The following ARFGEF3 variants were observed in gnomAD, a reference collection of about 807,000 sequenced individuals.
ARFGEF3 encodes brefeldin A-inhibited guanine nucleotide-exchange protein 3.
Under a neutral mutation model 221.7 loss-of-function variants are expected in ARFGEF3, and 96 were observed. The ratio of observed to expected loss-of-function variants is 0.43; its 90% CI spans 0.37 to 0.51. ARFGEF3 has a LOEUF of 0.51. Among genes scored for constraint, ARFGEF3 ranks in the 20% least tolerant of loss-of-function variants. ARFGEF3 has a pLI of 0.00. For synonymous variants in ARFGEF3, 1,145 were observed against 1,126.8 expected, an observed-to-expected ratio of 1.02 and a Z score of -0.32; for missense variants, 2,410 against 2,789.9, an observed-to-expected ratio of 0.86 and a Z score of 3.07.
In ARFGEF3 at chr6:138,342,089, A is replaced by G. The variant is rs1236186800; in HGVS notation, c.*5603A>G. 1 of 152,172 alleles carries G rather than the reference A, an allele frequency of 6.6e-6. No individual in the cohort carries two copies. 9.4% of individuals were successfully genotyped at this position (152,172 alleles called of 1,614,324 possible). ...GTTCGTACTGTTAATTCCTATCCTG[A>G]AGGTTTAACCAGTGGTTGTCTAGTA... On this transcript the variant is annotated 3_prime_UTR_variant, in exon 34 of 34. Coordinates refer to ENST00000251691, the MANE Select transcript of ARFGEF3 (RefSeq NM_020340.5).
intron 4 of ARFGEF3, among the ~76,000 whole-genome samples, chr6:138,215,146 T>A (rs1426661334): frequency 6.6e-6 from 1 of 152,244 alleles, no homozygotes; most frequent in Non-Finnish European, 1.5e-5. Context: ...ATCTAATGAC[T>A]TCTCTGACGA....
At chr6:138,239,177 C>T (rs573065726) in intron 6 of ARFGEF3, among the ~76,000 whole-genome samples, 10 of 152,214 alleles carry the variant, frequency 6.6e-5, no homozygotes, top group East Asian at 5.8e-4. Flanking sequence ...AAAATGTAAA[C>T]GTAATTGGCT....
intron 8 of ARFGEF3, among the ~76,000 whole-genome samples, chr6:138,250,225 A>AT (rs1778555384): frequency 6.6e-6 from 1 of 152,180 alleles, no homozygotes; most frequent in South Asian, 2.1e-4. Context: ...GGATTCAGAA[A>AT]ATGTATTCAG....
chr6:138,338,482 T>TTCAAAGGAAGCTGTC lies in ARFGEF3; in HGVS notation c.*2001_*2015dup, dbSNP rs2114706448. 6.6e-6 allele frequency: 1 copy of TTCAAAGGAAGCTGTC among 152,182 alleles called. No homozygotes were observed. Among genetic ancestry groups the TTCAAAGGAAGCTGTC allele is most frequent in the South Asian group, 2.1e-4 (1 of 4,814 alleles). The allele number at this position is 152,182 out of a possible 1,614,324, so 9.4% of individuals were successfully genotyped here. On this transcript the variant is annotated 3_prime_UTR_variant, in exon 34 of 34. Coordinates refer to ENST00000251691, the MANE Select transcript of ARFGEF3 (RefSeq NM_020340.5). Reference sequence around the variant, plus strand: ...AGCAACTTTTCATAAAGTAGAAAAATTCAAAGGAAGCTGTCTCAATTTGAG... The same window carrying TTCAAAGGAAGCTGTC: ...AGCAACTTTTCATAAAGTAGAAAAATTCAAAGGAAGCTGTCTCAAAGGAAGCTGTCTCAATTTGAG...
chr6:138,169,561 G>GCTAA (rs918942572), intron 1 of ARFGEF3, among the ~76,000 whole-genome samples: 2 of 152,212 alleles, frequency 1.3e-5, no homozygotes, highest in African/African-American at 4.8e-5. Flanking sequence ...TCCCTGCTGT[G>GCTAA]CTAACTGGTG....
intron 3 of ARFGEF3, 140 bp from the exon 4 acceptor site, chr6:138,209,770 T>C (rs986815415): frequency 9.7e-7 from 1 of 1,032,080 alleles, no homozygotes; most frequent in African/African-American, 1.6e-5. Flanking sequence ...TAACGGCACA[T>C]AGCGTAAGTT....
intron 22 of ARFGEF3, among the ~76,000 whole-genome samples, chr6:138,299,105 G>A (rs1377081863): frequency 1.3e-5 from 2 of 149,266 alleles, no homozygotes; most frequent in Non-Finnish European, 1.5e-5. Flanking sequence ...GGCTAAGGCA[G>A]GAGAATCGCT....
intron 29 of ARFGEF3, among the ~76,000 whole-genome samples, chr6:138,321,550 C>G (rs1828303): frequency 0.21 from 31,583 of 152,064 alleles, 3,412 homozygotes; most frequent in East Asian, 0.46. Context: ...TCTCATCCCA[C>G]CTAAAATAGC....
chr6:138,322,802 GA>G (rs112516953), intron 29 of ARFGEF3, among the ~76,000 whole-genome samples: 16,405 of 89,872 alleles, frequency 0.18, 1,247 homozygotes, highest in African/African-American at 0.29. Context: ...CTCAAAAAAA[GA>G]AAAAAAAAAA....
intron 32 of ARFGEF3, among the ~76,000 whole-genome samples, chr6:138,331,117 T>C (rs1221733635): frequency 6.6e-6 from 1 of 152,260 alleles, no homozygotes; most frequent in African/African-American, 2.4e-5. Flanking sequence ...ATTCAAGTTA[T>C]AAATAAAACA....
rs142092937 is a variant in ARFGEF3 at position 138,175,325 on chromosome 6, A to G, written c.137+4612A>G. On this transcript the variant is annotated intron_variant, in intron 2 of 33. Transcript: ENST00000251691. ...TGCTTTTGATTTGGGGGTGAGTTTT[A>G]AGGGTCCTTATCTTCCTCCATGAGG... 7.3e-3 allele frequency among the ~76,000 whole-genome samples: 1,108 copies of G among 152,220 alleles called. 13 individuals carry two copies. Among genetic ancestry groups the G allele is most frequent in the Middle Eastern group, 0.051 (15 of 294 alleles).
intron 2 of ARFGEF3, among the ~76,000 whole-genome samples, chr6:138,204,078 C>T (rs1777585671): frequency 6.6e-6 from 1 of 151,902 alleles, no homozygotes; most frequent in Non-Finnish European, 1.5e-5. Flanking sequence ...GTGGCTCACG[C>T]CTATAATCCC....
chr6:138,328,190 T>C (rs534847109), intron 32 of ARFGEF3, 48 bp downstream of exon 32: 4 of 1,528,130 alleles, frequency 2.6e-6, no homozygotes, highest in African/African-American at 2.7e-5. Flanking sequence ...ATAAGAATGT[T>C]CATTCACTTC....
At chr6:138,222,621 A>C (rs1462375682) in intron 4 of ARFGEF3, among the ~76,000 whole-genome samples, 1 of 152,220 alleles carries the variant, frequency 6.6e-6, no homozygotes, top group Non-Finnish European at 1.5e-5. Flanking sequence ...AGTCCTGCCG[A>C]CAAAAGGAAT....
intron 4 of ARFGEF3, among the ~76,000 whole-genome samples, chr6:138,229,474 CTT>C (rs1191647334): frequency 1.3e-5 from 2 of 152,202 alleles, no homozygotes; most frequent in Non-Finnish European, 2.9e-5. Context: ...CTAAACAACT[CTT>C]TTGAGGTTTT....
chr6:138,237,876 C>T (rs951878393), intron 5 of ARFGEF3, among the ~76,000 whole-genome samples: 12 of 152,130 alleles, frequency 7.9e-5, no homozygotes, highest in African/African-American at 2.4e-4. Flanking sequence ...CGTGTCAATT[C>T]GAAGAGTCAG....
In ARFGEF3 at chr6:138,319,785, T is replaced by C. The variant is rs1779990393; in HGVS notation, c.4557T>C (p.His1519=). ...SVWLRRSHKD[H]SYWDMASANF... is the part of the protein sequence containing the mutation. ...GGCTCCGCCGGAGCCATAAAGACCA[T>C]TCCTACTGGGATATGGCCTCTGCCA... The change falls in exon 28 of 34, where the codon CAT becomes CAC. Residue 1519 remains histidine (H), a synonymous_variant. Transcript: ENST00000251691. The C allele has an allele frequency of 6.2e-7, 1 of 1,613,822 alleles. No individual in the cohort carries two copies. The highest frequency in any genetic ancestry group is 8.5e-7 in the Non-Finnish European group (1 of 1,179,834).
At position 138,278,708 on chromosome 6, in the gene ARFGEF3, C is replaced by G. The variant is rs1230219653; in HGVS notation, c.2295+91C>G. 7 of 1,407,338 alleles carry G rather than the reference C, an allele frequency of 5.0e-6. No individual in the cohort carries two copies. The African/African-American group carries it at 8.5e-5, about 17-fold the overall frequency. 87.2% of individuals were successfully genotyped at this position (1,407,338 alleles called of 1,614,324 possible). A position where few individuals can be genotyped will look rare whatever the true frequency, so the allele number is the denominator to read the frequency against. ...CCTCAGTGCCCTGAGTGGGATGGCACAGCGTGTTTTGTTCCAGACTGCTCT... is the reference window on the plus strand; with the variant it reads ...CCTCAGTGCCCTGAGTGGGATGGCAGAGCGTGTTTTGTTCCAGACTGCTCT... On this transcript the variant is annotated intron_variant, in intron 13 of 33. Transcript: ENST00000251691.
intron 2 of ARFGEF3, among the ~76,000 whole-genome samples, chr6:138,197,404 A>G (rs1159660409): frequency 6.6e-6 from 1 of 152,256 alleles, no homozygotes; most frequent in Admixed American, 6.5e-5. Flanking sequence ...AGTATGCTCT[A>G]AAATAATGAT....
Sources: allele counts gnomAD v4.1 joint callset (sites outside exome capture counted in the v4.1 genomes callset), GRCh38; gene constraint gnomAD v4.1.1; transcripts MANE v1.5; gene names NCBI Gene and HGNC (gene_info 2026-07-23, HGNC 2026-07-21).